TNN: variants seen among roughly 807,000 people sequenced by gnomAD.
TNN encodes the protein tenascin N.
A neutral mutation model predicts 134.4 loss-of-function variants in TNN; 122 were observed. The observed-to-expected ratio is 0.91, with a 90% CI of 0.78 to 1.06. The LOEUF (loss-of-function observed/expected upper bound fraction) is 1.06, where lower values mean the gene tolerates loss of function less well. TNN is among the 50% of genes least tolerant of loss of function. The pLI is 0.00. For missense variants in TNN, 1,739 were observed against 1,699.4 expected, an observed-to-expected ratio of 1.02 and a Z score of -0.41; for synonymous variants, 710 against 670.3, an observed-to-expected ratio of 1.06 and a Z score of -0.91.
intron 15 of TNN, among the ~76,000 whole-genome samples, 167 bp from the exon 16 acceptor site, chr1:175,135,678 T>C (rs60940266): frequency 0.011 from 1,635 of 152,368 alleles, 34 homozygotes; most frequent in African/African-American, 0.037. Context: ...TAAAGAATGC[T>C]TATTAATATA....
chr1:175,091,417 C>T (rs1674441942), intron 6 of TNN, among the ~76,000 whole-genome samples: 1 of 152,194 alleles, frequency 6.6e-6, no homozygotes, highest in Non-Finnish European at 1.5e-5. Context: ...ACCCAAGATG[C>T]TGTTTCCTGG....
At chr1:175,134,824 A>G (rs186376012) in intron 15 of TNN, among the ~76,000 whole-genome samples, 106 of 149,892 alleles carry the variant, frequency 7.1e-4, no homozygotes, top group African/African-American at 2.5e-3. Flanking sequence ...TGGTCTCCTA[A>G]TTGGTCATCT....
At chr1:175,109,442 C>T (rs1674964186) in intron 9 of TNN, among the ~76,000 whole-genome samples, 1 of 151,988 alleles carries the variant, frequency 6.6e-6, no homozygotes, top group African/African-American at 2.4e-5. Context: ...CCCCTTACTC[C>T]TACACTTCCT....
chr1:175,107,954 G>T (rs1450096911), intron 9 of TNN, among the ~76,000 whole-genome samples: 21 of 126,610 alleles, frequency 1.7e-4, no homozygotes, highest in African/African-American at 6.6e-4. Context: ...TAGACATAAA[G>T]GTTCACCAAG....
intron 9 of TNN, among the ~76,000 whole-genome samples, chr1:175,113,456 C>T (rs565398619): frequency 1.2e-4 from 19 of 152,220 alleles, no homozygotes; most frequent in African/African-American, 4.3e-4. Context: ...TTATATGTGA[C>T]CTAACACTTT....
chr1:175,079,499 C>G lies in TNN; in HGVS notation c.576C>G (p.Tyr192Ter), dbSNP rs766947979. ...VDGRCLCHEP[Y>*]VGADCGYPAC... ...GGCGCTGCCTGTGCCATGAGCCCTA[C>G]GTGGGTGCCGACTGCGGCTACCCGG... The change falls in exon 3 of 19, where the codon TAC (tyrosine) becomes TAG (stop). Residue 192 changes from tyrosine to a stop codon, truncating the protein, a stop_gained. Transcript: ENST00000239462. LOFTEE classifies it high-confidence loss of function. The G allele has an allele frequency of 2.3e-4, 367 of 1,561,944 alleles. No individual in the cohort carries two copies. Among genetic ancestry groups the G allele is most frequent in the Non-Finnish European group, 3.0e-4 (345 of 1,154,830 alleles).
rs184032956 is a variant in TNN, at chr1:175,107,288, G to A, written c.2119+8693G>A. 2.6e-3 allele frequency among the ~76,000 whole-genome samples: 381 copies of A among 145,190 alleles called. 20 individuals carry two copies. Among genetic ancestry groups the A allele is most frequent in the African/African-American group, 9.2e-3 (371 of 40,426 alleles). On this transcript the variant is annotated intron_variant, in intron 9 of 18. Transcript: ENST00000239462. ...GTCTTGCTGGCTCAGGAGTGAAGCT[G>A]CAGACCTTCGTGGTGAGTGTTACAG... is the stretch of plus-strand genomic sequence containing the variant.
At position 175,080,368 on chromosome 1, in the gene TNN, C is replaced by G. The variant is rs1170990058; in HGVS notation, c.990C>G (p.Thr330=). 3 of 1,613,960 alleles carry G rather than the reference C, an allele frequency of 1.9e-6. No individual in the cohort carries two copies. The highest frequency in any genetic ancestry group is 2.5e-6 in the Non-Finnish European group (3 of 1,179,980). Residue 330 remains threonine (T), a synonymous_variant, in exon 4 of 19, where the codon ACC becomes ACG. Transcript: ENST00000239462. ...TGCCTGGAACCAAGTACATAGTCAC[C>G]CTGCGTAACGTCAAGAATGAAGTTT... ...GLLPGTKYIV[T]LRNVKNEVSS... is the part of the protein sequence containing the mutation.
intron 9 of TNN, among the ~76,000 whole-genome samples, chr1:175,099,620 GA>G (rs1225791620): frequency 1.3e-5 from 2 of 148,788 alleles, no homozygotes; most frequent in Admixed American, 1.3e-4. Flanking sequence ...TCAGGAGGAG[GA>G]GAGGTGAGGG....
In TNN at chr1:175,126,918, T is replaced by A. The variant is rs57556482; in HGVS notation, c.2915-37T>A. Reference sequence around the variant, plus strand: ...CAAAAATTACCTTGCCTCAGTTGTATCTTAGTAATAACAATTACCTGACTT... The same window carrying A: ...CAAAAATTACCTTGCCTCAGTTGTAACTTAGTAATAACAATTACCTGACTT... On this transcript the variant is annotated intron_variant, in intron 12 of 18. Transcript: ENST00000239462. The A allele has an allele frequency of 6.5e-4, 1,033 of 1,584,560 alleles. 4 individuals are homozygous for A. In the African/African-American group the frequency reaches 0.013, roughly 20 times the overall value.
chr1:175,131,077 G>A (rs1675664056), intron 15 of TNN, among the ~76,000 whole-genome samples: 1 of 152,140 alleles, frequency 6.6e-6, no homozygotes, highest in South Asian at 2.1e-4. Flanking sequence ...GTCACTGAAG[G>A]ATGACCCATG....
At chr1:175,101,685 A>C (rs1674727991) in intron 9 of TNN, among the ~76,000 whole-genome samples, 1 of 147,994 alleles carries the variant, frequency 6.8e-6, no homozygotes, top group Non-Finnish European at 1.5e-5. Flanking sequence ...CAGGTTCTCC[A>C]GGGCCCCACC....
chr1:175,128,291 A>T, intron 14 of TNN, 127 bp downstream of exon 14: 1 of 953,828 alleles, frequency 1.0e-6, no homozygotes, highest in Non-Finnish European at 1.5e-6. Flanking sequence ...GGGGAAGTGG[A>T]AATGGGGTTG....
At chr1:175,132,795 C>G (rs985885498) in intron 15 of TNN, among the ~76,000 whole-genome samples, 6 of 152,240 alleles carry the variant, frequency 3.9e-5, no homozygotes, top group Non-Finnish European at 8.8e-5. Context: ...TGGTGCCCCA[C>G]TCCTTGGCCA....
intron 9 of TNN, among the ~76,000 whole-genome samples, chr1:175,112,957 CA>C (rs1388226015): frequency 1.3e-5 from 2 of 152,054 alleles, no homozygotes; most frequent in African/African-American, 4.8e-5. Flanking sequence ...GAATTTAATC[CA>C]TTTACATCCA....
At chr1:175,137,241 G>A (rs1675834726) in intron 17 of TNN, among the ~76,000 whole-genome samples, 1 of 151,808 alleles carries the variant, frequency 6.6e-6, no homozygotes, top group Non-Finnish European at 1.5e-5. Flanking sequence ...CCCTCCCCTT[G>A]TACTCCTCTT....
rs141731992 is a variant in TNN at position 175,112,339 on chromosome 1, C to G, written c.2120-4600C>G. Among the ~76,000 whole-genome samples the G allele has an allele frequency of 5.8e-3, 883 of 152,112 alleles. 7 individuals carry two copies. Among genetic ancestry groups the G allele is most frequent in the Non-Finnish European group, 5.2e-3 (355 of 68,000 alleles). ...TCTTGCATCCCTGTGATAAATCTCACTTGTATCCTCTTGCTGAATTGATCT... is the reference window on the plus strand; with the variant it reads ...TCTTGCATCCCTGTGATAAATCTCAGTTGTATCCTCTTGCTGAATTGATCT... On this transcript the variant is annotated intron_variant, in intron 9 of 18. Coordinates refer to ENST00000239462, the MANE Select transcript of TNN (RefSeq NM_022093.2).
rs1041374989 is a variant in TNN, at chr1:175,106,581, G to A, written c.2119+7986G>A. Among the ~76,000 whole-genome samples the A allele has an allele frequency of 1.3e-4, 19 of 146,292 alleles. 1 individual carries two copies. The highest frequency in any genetic ancestry group is 3.7e-4 in the African/African-American group (15 of 40,660). On this transcript the variant is annotated intron_variant, in intron 9 of 18. Coordinates refer to ENST00000239462, the MANE Select transcript of TNN (RefSeq NM_022093.2). The stretch of plus-strand genomic sequence containing the variant: ...GAGACAGGTAGCAATTTTTAGAAGC[G>A]GGTCTAGCCTCAGAGAAGAGAGGCG...
At position 175,117,078 on chromosome 1, in the gene TNN, T is replaced by G. The variant is rs752013689; in HGVS notation, c.2259T>G (p.Val753=). ...CCAAGGACGGAGAGACCAGGGAGGT[T>G]CCGGTGGGGAAGGAGCAGAGTAGCA... ...TSAKDGETRE[V]PVGKEQSSTV... is the part of the protein sequence containing the mutation. Residue 753 remains valine (V), a synonymous_variant, in exon 10 of 19, where the codon GTT becomes GTG. Transcript: ENST00000239462. 6.2e-7 allele frequency: 1 copy of G among 1,614,220 alleles called. No individual in the cohort carries two copies. Among genetic ancestry groups the G allele is most frequent in the South Asian group, 1.1e-5 (1 of 91,080 alleles).
Sources: allele counts gnomAD v4.1 joint callset (sites outside exome capture counted in the v4.1 genomes callset), GRCh38; gene constraint gnomAD v4.1.1; transcripts MANE v1.5; gene names NCBI Gene and HGNC (gene_info 2026-07-23, HGNC 2026-07-21).